KCMF1: variants seen among roughly 807,000 people sequenced by gnomAD.
KCMF1 encodes E3 ubiquitin-protein ligase KCMF1.
KCMF1 carries 3 observed loss-of-function variants against 41.1 expected under a neutral mutation model. That is an observed-to-expected ratio of 0.07 (90% CI 0.03 to 0.19). The LOEUF is 0.19. KCMF1 is among the 10% of genes least tolerant of loss of function. The pLI is 1.00. For synonymous variants in KCMF1, 142 were observed against 164.5 expected (o/e 0.86, Z 1.04); for missense variants, 286 against 488.9 (o/e 0.58, Z 3.91).
At chr2:85,052,155 C>T (rs193018742) in intron 6 of KCMF1, among the ~76,000 whole-genome samples, 8 of 152,236 alleles carry the variant, frequency 5.3e-5, no homozygotes, top group Admixed American at 4.6e-4. Context: ...CTGCAACCAC[C>T]GCCTCCCAGG....
chr2:85,044,738 C>G lies in KCMF1; in HGVS notation c.426+1073C>G, dbSNP rs189435368. ...TTCACCATGTTGGCCAGGCTGGTCTCGAACTCCTGACCTCAGGTGATCTGC... is the reference window on the plus strand; with the variant it reads ...TTCACCATGTTGGCCAGGCTGGTCTGGAACTCCTGACCTCAGGTGATCTGC... On this transcript the variant is annotated intron_variant, in intron 4 of 6. Transcript: ENST00000409785. 2.5e-3 allele frequency among the ~76,000 whole-genome samples: 387 copies of G among 152,248 alleles called. 4 individuals are homozygous for G. Among genetic ancestry groups the G allele is most frequent in the African/African-American group, 8.9e-3 (369 of 41,530 alleles).
At chr2:85,026,472 T>TTATTAA (rs1456468271) in intron 1 of KCMF1, among the ~76,000 whole-genome samples, 1 of 145,186 alleles carries the variant, frequency 6.9e-6, no homozygotes, top group Non-Finnish European at 1.5e-5. Context: ...ATTATTATTA[T>TTATTAA]TATTATTATT....
At chr2:84,998,950 C>G (rs1674251456) in intron 1 of KCMF1, among the ~76,000 whole-genome samples, 2 of 104,682 alleles carry the variant, frequency 1.9e-5, no homozygotes, top group Non-Finnish European at 4.1e-5. Flanking sequence ...ATCTATCTAT[C>G]TATCTATCTA....
At chr2:85,045,673 T>C (rs1675647223) in intron 4 of KCMF1, among the ~76,000 whole-genome samples, 1 of 152,232 alleles carries the variant, frequency 6.6e-6, no homozygotes, top group South Asian at 2.1e-4. Context: ...ATAAATGTCA[T>C]GTTAATCTAT....
intron 1 of KCMF1, among the ~76,000 whole-genome samples, chr2:85,017,254 C>T (rs2104012880): frequency 6.6e-6 from 1 of 151,516 alleles, no homozygotes; most frequent in Non-Finnish European, 1.5e-5. Flanking sequence ...TCTCGATCTC[C>T]TGACCTCATG....
At chr2:84,993,200 A>AG (rs1180797290) in intron 1 of KCMF1, among the ~76,000 whole-genome samples, 1 of 151,932 alleles carries the variant, frequency 6.6e-6, no homozygotes, top group African/African-American at 2.4e-5. Context: ...AAAAAAAAAA[A>AG]GAAAAGAAAC....
chr2:85,047,212 C>T (rs558440612), intron 5 of KCMF1, among the ~76,000 whole-genome samples: 1 of 152,180 alleles, frequency 6.6e-6, no homozygotes, highest in Admixed American at 6.5e-5. Flanking sequence ...CCAAGGAAAT[C>T]ATAAAAGATT....
intron 4 of KCMF1, among the ~76,000 whole-genome samples, chr2:85,045,034 C>T (rs2104057597): frequency 6.6e-6 from 1 of 152,234 alleles, no homozygotes; most frequent in South Asian, 2.1e-4. Flanking sequence ...ATCACTTGAG[C>T]CTAGAAGTTT....
intron 1 of KCMF1, among the ~76,000 whole-genome samples, chr2:84,982,395 T>A: frequency 1.2e-5 from 1 of 81,106 alleles, no homozygotes; most frequent in South Asian, 4.1e-4. Context: ...TTTTCTTTTT[T>A]TTTTTTTTTT....
intron 1 of KCMF1, among the ~76,000 whole-genome samples, chr2:84,976,506 C>A (rs1264994456): frequency 6.6e-6 from 1 of 151,948 alleles, no homozygotes; most frequent in African/African-American, 2.4e-5. Flanking sequence ...ACGCCCAGCA[C>A]CTTCTTAACT....
chr2:85,008,527 C>T (rs572977763), intron 1 of KCMF1, among the ~76,000 whole-genome samples: 42 of 149,128 alleles, frequency 2.8e-4, no homozygotes, highest in African/African-American at 3.5e-4. Context: ...ACTTGGGAGC[C>T]ATTTAAATAG....
At chr2:85,022,153 C>T (rs1674962168) in intron 1 of KCMF1, among the ~76,000 whole-genome samples, 1 of 151,874 alleles carries the variant, frequency 6.6e-6, no homozygotes, top group South Asian at 2.1e-4. Context: ...TTAATAAAAA[C>T]ATATTCATTC....
chr2:85,002,542 G>A (rs896563252), intron 1 of KCMF1, among the ~76,000 whole-genome samples: 1 of 151,826 alleles, frequency 6.6e-6, no homozygotes, highest in Non-Finnish European at 1.5e-5. Flanking sequence ...TGGTACATTT[G>A]GCAAAACTAA....
chr2:84,983,802 C>T (rs369043557), intron 1 of KCMF1, among the ~76,000 whole-genome samples: 12 of 152,032 alleles, frequency 7.9e-5, no homozygotes, highest in South Asian at 4.2e-4. Flanking sequence ...TGAGCCACTG[C>T]GTCCGGCTGA....
At chr2:84,997,278 A>C (rs1674198674) in intron 1 of KCMF1, among the ~76,000 whole-genome samples, 1 of 151,846 alleles carries the variant, frequency 6.6e-6, no homozygotes. Context: ...AAACCTTTTT[A>C]ATTATAGGAT....
intron 3 of KCMF1, among the ~76,000 whole-genome samples, chr2:85,039,140 T>C (rs1675467408): frequency 6.6e-6 from 1 of 152,260 alleles, no homozygotes; most frequent in Non-Finnish European, 1.5e-5. Context: ...TCTGATTTGG[T>C]ACTCAGTAAG....
In KCMF1 at chr2:84,971,302, G is replaced by A; in HGVS notation, c.-150G>A. On this transcript the variant is annotated 5_prime_UTR_variant, in exon 1 of 7. Transcript: ENST00000409785. ...CCCCGCCGCCGCCGCCGCCGCCGCC[G>A]CGGGAGCGCTCCCCTGCCCACCCCG... 5.0e-6 allele frequency: 1 copy of A among 201,652 alleles called. No individual in the cohort carries two copies. The highest frequency in any genetic ancestry group is 8.7e-6 in the Non-Finnish European group (1 of 114,734). The allele number at this position is 201,652 out of a possible 1,614,324, so 12.5% of individuals were successfully genotyped here.
rs2104073639 is a variant in KCMF1, at chr2:85,054,475, T to G, written c.*1066T>G. On this transcript the variant is annotated 3_prime_UTR_variant, in exon 7 of 7. Coordinates refer to ENST00000409785, the MANE Select transcript of KCMF1 (RefSeq NM_020122.5). ...ATTTTAGCACCTTTTATTTATTGGGTTTTTTCTGGCATAAAAAGTAAAGCC... is the reference window on the plus strand; with the variant it reads ...ATTTTAGCACCTTTTATTTATTGGGGTTTTTCTGGCATAAAAAGTAAAGCC... 6.6e-6 allele frequency: 1 copy of G among 152,270 alleles called. No homozygotes were observed. Among genetic ancestry groups the G allele is most frequent in the Non-Finnish European group, 1.5e-5 (1 of 68,014 alleles). 9.4% of individuals were successfully genotyped at this position (152,270 alleles called of 1,614,324 possible). A position where few individuals can be genotyped will look rare whatever the true frequency, so the allele number is the denominator to read the frequency against.
intron 2 of KCMF1, among the ~76,000 whole-genome samples, chr2:85,028,740 C>T (rs1297609113): frequency 1.3e-5 from 2 of 150,296 alleles, no homozygotes; most frequent in Non-Finnish European, 1.5e-5. Context: ...ACACCTGCCT[C>T]GGCCTCCAAA....
Sources: gnomAD v4.1 joint callset for allele counts (sites outside exome capture counted in the v4.1 genomes callset) on GRCh38, gnomAD v4.1.1 for gene constraint, MANE v1.5 for transcripts, NCBI Gene and HGNC (gene_info 2026-07-23, HGNC 2026-07-21) for gene names.